The following GABRB1 variants were observed in gnomAD, a reference collection of about 807,000 sequenced individuals.
GABRB1 encodes the protein gamma-aminobutyric acid type A receptor subunit beta1.
A neutral mutation model predicts 51.6 loss-of-function variants in GABRB1; 17 were observed. The ratio of observed to expected loss-of-function variants is 0.33; its 90% CI spans 0.23 to 0.49. GABRB1 has a LOEUF of 0.49. Ranked by LOEUF, GABRB1 falls within the 20% of genes least tolerant of loss-of-function variation. The pLI is 0.99. For missense variants in GABRB1, 410 were observed against 600.6 expected (o/e 0.68, Z 3.32); for synonymous variants, 247 against 218.9 (o/e 1.13, Z -1.14).
At chr4:47,030,649 CA>C (rs1285877441), upstream of GABRB1, among the ~76,000 whole-genome samples, 3 of 152,180 alleles carry the variant, frequency 2.0e-5, no homozygotes, top group African/African-American at 4.8e-5. Context: ...TGCTCAATGA[CA>C]TTTGTAGAAT....
chr4:47,311,237 T>TACTACAACAACA (rs1553874092), intron 4 of GABRB1, among the ~76,000 whole-genome samples: 8 of 142,532 alleles, frequency 5.6e-5, no homozygotes, highest in Admixed American at 3.6e-4. Context: ...CTACTAAAAA[T>TACTACAACAACA]ACAACAACAA....
intron 8 of GABRB1, among the ~76,000 whole-genome samples, chr4:47,412,477 A>C (rs550034116): frequency 7.9e-5 from 12 of 151,280 alleles, no homozygotes; most frequent in Admixed American, 2.6e-4. Context: ...TTTTATTTTC[A>C]AAAAAAAATT....
chr4:47,003,037 G>A (rs1283410625), intron 1 of GABRB1, among the ~76,000 whole-genome samples: 1 of 151,930 alleles, frequency 6.6e-6, no homozygotes, highest in Non-Finnish European at 1.5e-5. Flanking sequence ...TTTGATTTAT[G>A]GATAGCATAA....
At chr4:47,122,365 T>G (rs1414745068) in intron 3 of GABRB1, among the ~76,000 whole-genome samples, 1 of 152,176 alleles carries the variant, frequency 6.6e-6, no homozygotes, top group Non-Finnish European at 1.5e-5. Context: ...TTTGATACGT[T>G]TCCCATGATT....
Position 47,032,023 on chromosome 4 carries a change from T to G in GABRB1, c.172+18T>G. On this transcript the variant is annotated intron_variant, in intron 2 of 8. Coordinates refer to ENST00000295454, the MANE Select transcript of GABRB1 (RefSeq NM_000812.4). The stretch of plus-strand genomic sequence containing the variant: ...CTTCGGAGGTAACGCTTCATCTTTT[T>G]TCAACCTGTAACCCATCCTTAGTTC... The G allele has an allele frequency of 6.3e-7, 1 of 1,592,808 alleles. No individual in the cohort carries two copies. Among genetic ancestry groups the G allele is most frequent in the Non-Finnish European group, 8.6e-7 (1 of 1,163,448 alleles).
At chr4:47,085,633 T>C (rs983704440) in intron 3 of GABRB1, among the ~76,000 whole-genome samples, 2 of 152,122 alleles carry the variant, frequency 1.3e-5, no homozygotes, top group South Asian at 4.1e-4. Flanking sequence ...AAAGAACATA[T>C]TGAATTTATT....
chr4:47,171,346 T>C (rs186143498), intron 4 of GABRB1, among the ~76,000 whole-genome samples: 3 of 151,864 alleles, frequency 2.0e-5, no homozygotes, highest in Non-Finnish European at 4.4e-5. Context: ...AAAACAAATA[T>C]CTCAGAAATG....
chr4:47,044,074 G>A (rs1003547838), intron 3 of GABRB1, among the ~76,000 whole-genome samples: 6 of 152,070 alleles, frequency 3.9e-5, no homozygotes, highest in African/African-American at 1.2e-4. Context: ...AAGGTGTGCT[G>A]AGACAGCGTT....
rs191346678 is a variant in GABRB1 at position 47,164,014 on chromosome 4, A to C, written c.461+2545A>C. Among the ~76,000 whole-genome samples the C allele has an allele frequency of 9.8e-4, 149 of 152,166 alleles. 1 individual carries two copies. Among genetic ancestry groups the C allele is most frequent in the African/African-American group, 3.5e-3 (145 of 41,552 alleles). On this transcript the variant is annotated intron_variant, in intron 4 of 8. Transcript: ENST00000295454. ...AGAAGAGGAAGCAGGCATGTCTTACATGGTGGCAGGTGGGAGAGAGAATAC... is the reference window on the plus strand; with the variant it reads ...AGAAGAGGAAGCAGGCATGTCTTACCTGGTGGCAGGTGGGAGAGAGAATAC...
chr4:47,191,706 A>C (rs1477417464), intron 4 of GABRB1, among the ~76,000 whole-genome samples: 1 of 152,188 alleles, frequency 6.6e-6, no homozygotes, highest in East Asian at 1.9e-4. Flanking sequence ...CACAGGAAAA[A>C]AAAATTAGGA....
chr4:47,247,891 T>A (rs1041361084), intron 4 of GABRB1, among the ~76,000 whole-genome samples: 1 of 152,124 alleles, frequency 6.6e-6, no homozygotes, highest in African/African-American at 2.4e-5. Context: ...AATTCTTTTA[T>A]CAGTTCTTGG....
At chr4:47,135,445 T>C (rs1261991584) in intron 3 of GABRB1, among the ~76,000 whole-genome samples, 2 of 152,124 alleles carry the variant, frequency 1.3e-5, no homozygotes, top group Non-Finnish European at 2.9e-5. Context: ...GGATTCCACT[T>C]TTGGCACAGC....
chr4:47,117,277 C>T (rs867455617), intron 3 of GABRB1, among the ~76,000 whole-genome samples: 3 of 152,106 alleles, frequency 2.0e-5, no homozygotes, highest in Admixed American at 1.3e-4. Context: ...CTATGGAGTT[C>T]GCTCATATAA....
At chr4:47,267,858 T>C (rs1278476468) in intron 4 of GABRB1, among the ~76,000 whole-genome samples, 2 of 151,758 alleles carry the variant, frequency 1.3e-5, no homozygotes, top group East Asian at 3.9e-4. Flanking sequence ...TTTAATAGAT[T>C]GGAAAAAAAA....
intron 4 of GABRB1, among the ~76,000 whole-genome samples, chr4:47,304,108 A>T (rs1264673934): frequency 6.6e-6 from 1 of 151,988 alleles, no homozygotes; most frequent in African/African-American, 2.4e-5. Context: ...GAACATGGGA[A>T]TGCAGATATC....
chr4:47,007,501 A>T (rs1486343107), intron 1 of GABRB1, among the ~76,000 whole-genome samples: 1 of 152,226 alleles, frequency 6.6e-6, no homozygotes. Flanking sequence ...CAGCACTGTT[A>T]ACAAACTGGA....
At chr4:47,139,478 C>A (rs1313723141) in intron 3 of GABRB1, among the ~76,000 whole-genome samples, 1 of 151,962 alleles carries the variant, frequency 6.6e-6, no homozygotes, top group African/African-American at 2.4e-5. Flanking sequence ...GAAATCATAT[C>A]CTGGAGAAAG....
chr4:47,346,420 T>C (rs969881789), intron 5 of GABRB1, among the ~76,000 whole-genome samples: 1 of 152,188 alleles, frequency 6.6e-6, no homozygotes, highest in African/African-American at 2.4e-5. Context: ...ATGATGAACC[T>C]GGATTGAAAG....
Position 47,185,544 on chromosome 4 carries a change from T to C in GABRB1, c.461+24075T>C, listed in dbSNP as rs189311652. Among the ~76,000 whole-genome samples, 3 of 151,852 alleles carry C rather than the reference T, an allele frequency of 2.0e-5. No individual in the cohort carries two copies. In the East Asian group the frequency reaches 5.8e-4, roughly 29 times the overall value. On this transcript the variant is annotated intron_variant, in intron 4 of 8. Transcript: ENST00000295454. ...ACATATGATATATAGAGCCATCCAC[T>C]GCTCACCCACCTTGTTGTAAAAAAA...
Sources: allele counts gnomAD v4.1 joint callset (sites outside exome capture counted in the v4.1 genomes callset), GRCh38; gene constraint gnomAD v4.1.1; transcripts MANE v1.5; gene names NCBI Gene and HGNC (gene_info 2026-07-23, HGNC 2026-07-21).